Variants in DHRSX observed in about 807,000 individuals in gnomAD.
DHRSX encodes polyprenol dehydrogenase.
A neutral mutation model predicts 34.0 loss-of-function variants in DHRSX; 31 were observed. The ratio of observed to expected loss-of-function variants is 0.91; its 90% CI spans 0.69 to 1.23. DHRSX has a LOEUF of 1.23. Among genes scored for constraint, DHRSX ranks in the 50% most tolerant of loss-of-function variants. The pLI is 0.00. For missense variants in DHRSX, 414 were observed against 428.1 expected (o/e 0.97, Z 0.29); for synonymous variants, 201 against 183.8 (o/e 1.09, Z -0.76).
intron 1 of DHRSX, among the ~76,000 whole-genome samples, chrX:2,451,783 T>G (rs2044221679): frequency 6.6e-6 from 1 of 152,128 alleles, no homozygotes; most frequent in African/African-American, 2.4e-5. Context: ...AGAAGAATGT[T>G]GCCAAGGGAC....
At chrX:2,380,022 C>G (rs778051671) in intron 3 of DHRSX, among the ~76,000 whole-genome samples, 8 of 152,006 alleles carry the variant, frequency 5.3e-5, no homozygotes, top group Non-Finnish European at 1.2e-4. Context: ...ATTGGCCGGG[C>G]CCATTCGCTC....
At chrX:2,432,880 T>C (rs903400686) in intron 1 of DHRSX, among the ~76,000 whole-genome samples, 2 of 152,074 alleles carry the variant, frequency 1.3e-5, no homozygotes, top group Admixed American at 1.3e-4. Flanking sequence ...TCCCAGCACT[T>C]TGAGGGCTGA....
intron 1 of DHRSX, among the ~76,000 whole-genome samples, chrX:2,469,542 A>C (rs747864890): frequency 6.6e-6 from 1 of 151,884 alleles, no homozygotes; most frequent in South Asian, 2.1e-4. Flanking sequence ...GACATTCCCT[A>C]AGAATGTGGC....
intron 3 of DHRSX, among the ~76,000 whole-genome samples, chrX:2,357,875 G>T (rs950538361): frequency 6.6e-6 from 1 of 152,038 alleles, no homozygotes; most frequent in Non-Finnish European, 1.5e-5. Context: ...TTATGAAATG[G>T]AAAATAGAGA....
intron 4 of DHRSX, among the ~76,000 whole-genome samples, chrX:2,274,096 G>T (rs2041593167): frequency 6.6e-6 from 1 of 152,148 alleles, no homozygotes; most frequent in Non-Finnish European, 1.5e-5. Flanking sequence ...GGAGTGCAGT[G>T]TTGTGATGTC....
intron 3 of DHRSX, among the ~76,000 whole-genome samples, chrX:2,400,622 C>T (rs1294894644): frequency 6.6e-6 from 1 of 152,108 alleles, no homozygotes; most frequent in African/African-American, 2.4e-5. Context: ...CCATCTCTGC[C>T]CTCACAAAGC....
At chrX:2,347,451 T>A (rs2042734752) in intron 3 of DHRSX, among the ~76,000 whole-genome samples, 1 of 152,158 alleles carries the variant, frequency 6.6e-6, no homozygotes, top group Admixed American at 6.5e-5. Context: ...CCCAGCACTT[T>A]GGGAGGCCAA....
At chrX:2,351,212 C>T (rs1345391345) in intron 3 of DHRSX, among the ~76,000 whole-genome samples, 3 of 152,090 alleles carry the variant, frequency 2.0e-5, no homozygotes, top group East Asian at 1.9e-4. Flanking sequence ...CGAACCTGCA[C>T]GTTCTGCACA....
At chrX:2,420,262 G>C (rs2043760842) in intron 2 of DHRSX, among the ~76,000 whole-genome samples, 1 of 151,676 alleles carries the variant, frequency 6.6e-6, no homozygotes, top group Non-Finnish European at 1.5e-5. Context: ...CAAAAAATTA[G>C]CTTGGTGTGC....
intron 3 of DHRSX, among the ~76,000 whole-genome samples, chrX:2,365,792 T>C (rs2042988409): frequency 6.6e-6 from 1 of 151,964 alleles, no homozygotes; most frequent in African/African-American, 2.4e-5. Context: ...CACCGGGGCC[T>C]GTCGGGAGGT....
rs184169558 is a variant in DHRSX at position 2,226,243 on chromosome X, C to T, written c.805-5014G>A. On this transcript the variant is annotated intron_variant, in intron 6 of 6. Transcript: ENST00000334651. ...CTTTTCCAGGAAACAGGCAATTATA[C>T]CCACACTTACCTGCTACCTCAAGAG... Among the ~76,000 whole-genome samples, 16 of 152,274 alleles carry T rather than the reference C, an allele frequency of 1.1e-4. No individual in the cohort carries two copies. In the East Asian group the frequency reaches 2.9e-3, roughly 28 times the overall value.
intron 3 of DHRSX, among the ~76,000 whole-genome samples, chrX:2,347,900 C>G (rs763251188): frequency 1.4e-4 from 22 of 152,266 alleles, no homozygotes; most frequent in Admixed American, 3.3e-4. Context: ...TTGGAACCAC[C>G]CTGCTCGTGG....
intron 3 of DHRSX, among the ~76,000 whole-genome samples, chrX:2,317,886 T>G (rs1161701982): frequency 6.6e-6 from 1 of 152,124 alleles, no homozygotes; most frequent in Non-Finnish European, 1.5e-5. Flanking sequence ...CCCACACTTG[T>G]GAAGACAAGT....
intron 1 of DHRSX, chrX:2,490,748 ACGGCTGCTCATGCGTGGGG>A: frequency 1.9e-6 from 3 of 1,597,854 alleles, no homozygotes; most frequent in Non-Finnish European, 2.6e-6. Flanking sequence ...TGCCTGCTGG[ACGGCTGCTCATGCGTGGGG>A]ACCTGCTGAG....
At chrX:2,441,925 T>A (rs2044067670) in intron 1 of DHRSX, among the ~76,000 whole-genome samples, 1 of 152,006 alleles carries the variant, frequency 6.6e-6, no homozygotes, top group Admixed American at 6.6e-5. Context: ...ACAAAAAAAA[T>A]TAGCTGGGTG....
chrX:2,346,800 G>A (rs371362181), intron 3 of DHRSX, among the ~76,000 whole-genome samples: 2 of 151,498 alleles, frequency 1.3e-5, no homozygotes, highest in East Asian at 3.9e-4. Context: ...CCCTCCCCCA[G>A]TCCCCTACTC....
At chrX:2,269,405 A>C (rs2041519094) in intron 4 of DHRSX, among the ~76,000 whole-genome samples, 1 of 152,240 alleles carries the variant, frequency 6.6e-6, no homozygotes, top group Non-Finnish European at 1.5e-5. Flanking sequence ...ATATGGAGAT[A>C]TCTACACATA....
intron 1 of DHRSX, among the ~76,000 whole-genome samples, chrX:2,453,705 A>C (rs1256455745): frequency 6.6e-6 from 1 of 151,842 alleles, no homozygotes; most frequent in African/African-American, 2.4e-5. Flanking sequence ...AATTTTTTTC[A>C]GTTAGATAAA....
chrX:2,347,462 C>T (rs990470807), intron 3 of DHRSX, among the ~76,000 whole-genome samples: 25 of 152,130 alleles, frequency 1.6e-4, no homozygotes, highest in Admixed American at 1.1e-3. Context: ...GGGAGGCCAA[C>T]ACAGGTGGAT....
Sources: gnomAD v4.1 joint callset for allele counts (sites outside exome capture counted in the v4.1 genomes callset) on GRCh38, gnomAD v4.1.1 for gene constraint, MANE v1.5 for transcripts, NCBI Gene and HGNC (gene_info 2026-07-23, HGNC 2026-07-21) for gene names.